Variants in ZNF664 observed in about 807,000 individuals in gnomAD.
The protein encoded by ZNF664 is zinc finger protein 664.
Under a neutral mutation model 18.2 loss-of-function variants are expected in ZNF664, and 10 were observed. The observed-to-expected ratio is 0.55, with a 90% CI of 0.34 to 0.93. The LOEUF is 0.93. ZNF664 is among the 40% of genes least tolerant of loss of function. ZNF664 has a pLI of 0.02. For synonymous variants in ZNF664, 119 were observed against 104.2 expected (o/e 1.14, Z -0.86); for missense variants, 193 against 319.0 (o/e 0.61, Z 3.01).
chr12:124,006,880 T>C (rs1006243201), intron 3 of ZNF664, among the ~76,000 whole-genome samples: 1 of 152,098 alleles, frequency 6.6e-6, no homozygotes, highest in Admixed American at 6.5e-5. Context: ...AAAGCCCCAG[T>C]AGGACGTTGA....
At chr12:124,007,617 G>A (rs1446495431) in intron 3 of ZNF664, among the ~76,000 whole-genome samples, 2 of 152,174 alleles carry the variant, frequency 1.3e-5, no homozygotes, top group African/African-American at 2.4e-5. Context: ...TTCAGTCACA[G>A]TTGCCCCTCT....
At chr12:124,010,224 T>A (rs1957120598) in intron 3 of ZNF664, among the ~76,000 whole-genome samples, 1 of 152,224 alleles carries the variant, frequency 6.6e-6, no homozygotes, top group Non-Finnish European at 1.5e-5. Flanking sequence ...TGTAACACTT[T>A]CACCTATAAG....
At chr12:123,981,726 C>T (rs1279750671) in intron 2 of ZNF664, among the ~76,000 whole-genome samples, 1 of 152,158 alleles carries the variant, frequency 6.6e-6, no homozygotes, top group East Asian at 1.9e-4. Context: ...GTTTGAAGGT[C>T]TTATAGGACA....
Position 123,977,876 on chromosome 12 carries a change from CCT to C in ZNF664, c.-757+3857_-757+3858del, listed in dbSNP as rs367892421. 1.1e-3 allele frequency among the ~76,000 whole-genome samples: 173 copies of C among 152,058 alleles called. 2 individuals carry two copies. The South Asian group carries it at 0.024, about 21-fold the overall frequency. On this transcript the variant is annotated intron_variant, in intron 2 of 4. Transcript: ENST00000337815. ...AATAATGAAATCATCACAAATGCCC[CCT>C]GAGTCTAAAGAAAATGTAAGTAAAT... is the stretch of plus-strand genomic sequence containing the variant.
In ZNF664 at chr12:124,013,204, TGAAA is replaced by T. The variant is rs1957153086; in HGVS notation, c.*277_*280del. On this transcript the variant is annotated 3_prime_UTR_variant, in exon 5 of 5. Coordinates refer to ENST00000337815, the MANE Select transcript of ZNF664 (RefSeq NM_152437.3). ...GATTCCAGCACGATGCCTCCATAGT[TGAAA>T]GACTACACAAAAAGCCACAATCATT... The T allele has an allele frequency of 6.4e-6, 3 of 467,248 alleles. No homozygotes were observed. The highest frequency in any genetic ancestry group is 1.2e-5 in the Non-Finnish European group (3 of 256,318). 28.9% of individuals were successfully genotyped at this position (467,248 alleles called of 1,614,324 possible).
At chr12:124,005,482 AATGTGTGT>A (rs1380061634) in intron 3 of ZNF664, among the ~76,000 whole-genome samples, 8 of 91,832 alleles carry the variant, frequency 8.7e-5, no homozygotes, top group Admixed American at 3.0e-4. Context: ...TAATTTATAG[AATGTGTGT>A]GTGTGTGTGT....
intron 4 of ZNF664, 43 bp from the exon 5 acceptor site, chr12:124,011,503 G>A (rs1957135696): frequency 1.3e-6 from 1 of 799,700 alleles, no homozygotes; most frequent in Non-Finnish European, 1.5e-6. Context: ...CAGTTTTCCA[G>A]ATAAAAGCAT....
intron 3 of ZNF664, among the ~76,000 whole-genome samples, chr12:124,008,821 G>A (rs186394978): frequency 4.6e-5 from 7 of 151,992 alleles, no homozygotes; most frequent in African/African-American, 1.7e-4. Context: ...CCTTTGGCAC[G>A]GCCCTCTTGC....
intron 3 of ZNF664, chr12:123,998,787 C>T (rs1297356666): frequency 6.6e-6 from 1 of 152,542 alleles, no homozygotes; most frequent in Non-Finnish European, 1.5e-5. Context: ...GCTTACTGCC[C>T]AACAGATGCT....
intron 2 of ZNF664, among the ~76,000 whole-genome samples, chr12:123,978,662 A>G (rs1956723983): frequency 6.6e-6 from 1 of 152,208 alleles, no homozygotes; most frequent in African/African-American, 2.4e-5. Flanking sequence ...AATTGCTTCT[A>G]AAACTCTTTT....
At chr12:123,985,454 A>G (rs750980243) in intron 2 of ZNF664, among the ~76,000 whole-genome samples, 5 of 152,250 alleles carry the variant, frequency 3.3e-5, no homozygotes, top group Non-Finnish European at 5.9e-5. Flanking sequence ...CACACGTCAA[A>G]TGTTAAATCC....
At chr12:123,978,138 C>T (rs1364662636) in intron 2 of ZNF664, among the ~76,000 whole-genome samples, 1 of 150,896 alleles carries the variant, frequency 6.6e-6, no homozygotes, top group Admixed American at 6.6e-5. Flanking sequence ...TATTAGACTA[C>T]ATAAAAATTT....
At chr12:123,984,192 G>A (rs780499106) in intron 2 of ZNF664, among the ~76,000 whole-genome samples, 1 of 152,216 alleles carries the variant, frequency 6.6e-6, no homozygotes, top group Non-Finnish European at 1.5e-5. Context: ...GAATGAACTA[G>A]TGTTTACAAG....
In ZNF664 at chr12:123,973,261, C is replaced by T. The variant is rs1956614086; in HGVS notation, c.-983C>T. The T allele has an allele frequency of 2.8e-5, 28 of 999,676 alleles. 1 individual carries two copies. The highest frequency in any genetic ancestry group is 3.3e-5 in the Non-Finnish European group (28 of 842,194). 61.9% of individuals were successfully genotyped at this position (999,676 alleles called of 1,614,324 possible). On this transcript the variant is annotated 5_prime_UTR_variant, in exon 1 of 5. Coordinates refer to ENST00000337815, the MANE Select transcript of ZNF664 (RefSeq NM_152437.3). ...TGGGTGTGCGGAGCGCGCGCGCGCGCGGCTCGGAGGCGCACCTGTGAGGTG... is the reference window on the plus strand; with the variant it reads ...TGGGTGTGCGGAGCGCGCGCGCGCGTGGCTCGGAGGCGCACCTGTGAGGTG...
intron 3 of ZNF664, among the ~76,000 whole-genome samples, chr12:123,991,044 A>G (rs936205701): frequency 6.6e-6 from 1 of 152,230 alleles, no homozygotes; most frequent in Non-Finnish European, 1.5e-5. Context: ...ACAGCTATTT[A>G]GTATTAGGTG....
intron 3 of ZNF664, among the ~76,000 whole-genome samples, chr12:124,003,734 G>T (rs890390807): frequency 1.3e-5 from 2 of 152,170 alleles, no homozygotes; most frequent in African/African-American, 4.8e-5. Flanking sequence ...CTCTTGGCAG[G>T]TTATCAGCCA....
intron 2 of ZNF664, among the ~76,000 whole-genome samples, chr12:123,983,280 A>T (rs1364646554): frequency 6.6e-6 from 1 of 152,256 alleles, no homozygotes; most frequent in African/African-American, 2.4e-5. Flanking sequence ...ATACAATTTA[A>T]TTTTGAAGAT....
intron 2 of ZNF664, among the ~76,000 whole-genome samples, chr12:123,980,106 A>T (rs1956745609): frequency 6.6e-6 from 1 of 152,252 alleles, no homozygotes; most frequent in Non-Finnish European, 1.5e-5. Context: ...TACAAAACAA[A>T]ATAATGAAGG....
In ZNF664 at chr12:123,997,141, T is replaced by G. The variant is rs775438261; in HGVS notation, c.-661+9003T>G. Reference sequence around the variant, plus strand: ...CTGCAACTTCTTTTTTTGGACGTGATTAAAGGTGAAATGACTCCGGGTTTT... The same window carrying G: ...CTGCAACTTCTTTTTTTGGACGTGAGTAAAGGTGAAATGACTCCGGGTTTT... On this transcript the variant is annotated intron_variant, in intron 3 of 4. Transcript: ENST00000337815. Among the ~76,000 whole-genome samples the G allele has an allele frequency of 1.6e-4, 24 of 152,170 alleles. 1 individual carries two copies. Among genetic ancestry groups the G allele is most frequent in the Non-Finnish European group, 3.1e-4 (21 of 68,038 alleles).
Sources: gnomAD v4.1 joint callset for allele counts (sites outside exome capture counted in the v4.1 genomes callset) on GRCh38, gnomAD v4.1.1 for gene constraint, MANE v1.5 for transcripts, NCBI Gene and HGNC (gene_info 2026-07-23, HGNC 2026-07-21) for gene names.